ARHGAP10: variants seen among roughly 807,000 people sequenced by gnomAD.
ARHGAP10 encodes the protein Rho GTPase activating protein 10, also known as rho GTPase-activating protein 10.
ARHGAP10 carries 87 observed loss-of-function variants against 108.6 expected under a neutral mutation model. That is an observed-to-expected ratio of 0.80 (90% CI 0.67 to 0.96). The LOEUF is 0.96. Ranked by LOEUF, ARHGAP10 falls within the 40% of genes least tolerant of loss-of-function variation. The pLI is 0.00. For synonymous variants in ARHGAP10, 347 were observed against 341.1 expected, an observed-to-expected ratio of 1.02 and a Z score of -0.19; for missense variants, 939 against 954.5, an observed-to-expected ratio of 0.98 and a Z score of 0.21.
At chr4:147,804,570 C>G (rs1731707726) in intron 1 of ARHGAP10, among the ~76,000 whole-genome samples, 1 of 151,998 alleles carries the variant, frequency 6.6e-6, no homozygotes, top group African/African-American at 2.4e-5. Flanking sequence ...GTTGAGAAAT[C>G]TCCAGACTGG....
At chr4:148,044,299 C>T (rs539840077) in intron 19 of ARHGAP10, among the ~76,000 whole-genome samples, 7 of 152,206 alleles carry the variant, frequency 4.6e-5, no homozygotes, top group African/African-American at 1.2e-4. Flanking sequence ...CCCTGGTCTC[C>T]AGTTCCCCAA....
intron 18 of ARHGAP10, among the ~76,000 whole-genome samples, chr4:147,974,750 G>A (rs958776290): frequency 2.6e-5 from 4 of 152,140 alleles, no homozygotes; most frequent in Non-Finnish European, 5.9e-5. Flanking sequence ...CCCAAGACTG[G>A]GAAATTTACA....
At chr4:147,944,262 C>G (rs1239903666) in intron 14 of ARHGAP10, among the ~76,000 whole-genome samples, 2 of 152,168 alleles carry the variant, frequency 1.3e-5, no homozygotes, top group African/African-American at 4.8e-5. Flanking sequence ...GTATCTGTGG[C>G]TTGTCTGACA....
chr4:147,877,819 C>CTTTTTTTTTTTTTTTTTTTTTTTTTT (rs549355620), intron 8 of ARHGAP10, among the ~76,000 whole-genome samples: 3 of 131,498 alleles, frequency 2.3e-5, no homozygotes, highest in African/African-American at 9.4e-5. Flanking sequence ...ATTCTTCATA[C>CTTTTTTTTTTTTTTTTTTTTTTTTTT]TTTTTTTTTT....
intron 15 of ARHGAP10, among the ~76,000 whole-genome samples, chr4:147,951,010 G>T (rs1270044869): frequency 6.6e-6 from 1 of 152,116 alleles, no homozygotes; most frequent in Non-Finnish European, 1.5e-5. Flanking sequence ...TCAAAAACAT[G>T]TCGGGTGGGA....
At chr4:147,879,370 T>C in intron 9 of ARHGAP10, 32 bp downstream of exon 9, 1 of 1,584,230 alleles carries the variant, frequency 6.3e-7, no homozygotes, top group Non-Finnish European at 8.6e-7. Context: ...GAATAGATTA[T>C]AATCTGTCAG....
intron 19 of ARHGAP10, among the ~76,000 whole-genome samples, chr4:148,032,344 C>T (rs770290362): frequency 7.5e-5 from 5 of 66,792 alleles, no homozygotes; most frequent in African/African-American, 2.4e-4. Flanking sequence ...CCCCCCCCCC[C>T]CCATATTGTA....
intron 19 of ARHGAP10, among the ~76,000 whole-genome samples, chr4:148,030,252 T>G (rs1166478041): frequency 6.6e-6 from 1 of 152,028 alleles, no homozygotes; most frequent in Admixed American, 6.6e-5. Flanking sequence ...GTGGAGTGGG[T>G]TTTTTCTCCA....
intron 4 of ARHGAP10, among the ~76,000 whole-genome samples, chr4:147,851,673 T>C (rs1228759786): frequency 1.3e-5 from 2 of 152,226 alleles, no homozygotes; most frequent in Non-Finnish European, 2.9e-5. Context: ...CATTCAGTAA[T>C]AAAACACACT....
chr4:147,952,445 G>A (rs1305037274), intron 15 of ARHGAP10, among the ~76,000 whole-genome samples: 1 of 151,970 alleles, frequency 6.6e-6, no homozygotes, highest in Non-Finnish European at 1.5e-5. Flanking sequence ...TTTCATTTTA[G>A]CCATCGTAAT....
intron 5 of ARHGAP10, chr4:147,858,472 G>A (rs1220581217): frequency 6.6e-6 from 1 of 152,114 alleles, no homozygotes; most frequent in Non-Finnish European, 1.5e-5. Context: ...ATATTTAAAT[G>A]TTAGCTATTT....
chr4:147,994,244 T>G (rs1740387292), intron 18 of ARHGAP10, among the ~76,000 whole-genome samples: 1 of 152,250 alleles, frequency 6.6e-6, no homozygotes. Flanking sequence ...AAAGTGCTTA[T>G]GTATGTCTCT....
At chr4:147,741,768 AC>A (rs1728665719) in intron 1 of ARHGAP10, among the ~76,000 whole-genome samples, 1 of 22,972 alleles carries the variant, frequency 4.4e-5, no homozygotes, top group Non-Finnish European at 7.9e-5. Flanking sequence ...CGTTCTCTTT[AC>A]ACACACACAC....
intron 13 of ARHGAP10, among the ~76,000 whole-genome samples, chr4:147,920,974 G>A (rs1243173516): frequency 3.3e-5 from 5 of 152,210 alleles, no homozygotes; most frequent in Non-Finnish European, 7.4e-5. Flanking sequence ...TAAAGGAACT[G>A]GGTGAATACT....
At chr4:147,872,334 C>G (rs1241998620) in intron 7 of ARHGAP10, among the ~76,000 whole-genome samples, 1 of 152,012 alleles carries the variant, frequency 6.6e-6, no homozygotes, top group African/African-American at 2.4e-5. Flanking sequence ...TTCTTACTGT[C>G]TGGGAAAAAA....
intron 13 of ARHGAP10, among the ~76,000 whole-genome samples, chr4:147,924,559 G>GT (rs530407910): frequency 1.7e-3 from 264 of 152,308 alleles, no homozygotes; most frequent in African/African-American, 6.2e-3. Context: ...TGCTGAAGGT[G>GT]TTTTTAGAAC....
At chr4:147,929,304 G>A (rs891799926) in intron 13 of ARHGAP10, among the ~76,000 whole-genome samples, 6 of 152,014 alleles carry the variant, frequency 3.9e-5, no homozygotes, top group African/African-American at 9.7e-5. Context: ...TGTAAATACC[G>A]TATCTTAAAT....
rs772726175 is a variant in ARHGAP10, at chr4:147,960,529, C to A, written c.1451-4495C>A. On this transcript the variant is annotated intron_variant, in intron 16 of 22. Coordinates refer to ENST00000336498, the MANE Select transcript of ARHGAP10 (RefSeq NM_024605.4). ...AATAGGTTGTTTAGGCATTTCATTACCAAAAAAAGGAAGGAAAACTCTGCA... is the reference window on the plus strand; with the variant it reads ...AATAGGTTGTTTAGGCATTTCATTAACAAAAAAAGGAAGGAAAACTCTGCA... Among the ~76,000 whole-genome samples the A allele has an allele frequency of 4.3e-4, 65 of 151,850 alleles. 1 individual carries two copies. Among genetic ancestry groups the A allele is most frequent in the Admixed American group, 1.3e-4 (2 of 15,244 alleles).
At chr4:147,772,973 G>C (rs898337144) in intron 1 of ARHGAP10, among the ~76,000 whole-genome samples, 4 of 152,126 alleles carry the variant, frequency 2.6e-5, no homozygotes, top group Admixed American at 1.3e-4. Context: ...AACTCTTTTG[G>C]AATTAAGTAG....
Sources: allele counts gnomAD v4.1 joint callset (sites outside exome capture counted in the v4.1 genomes callset), GRCh38; gene constraint gnomAD v4.1.1; transcripts MANE v1.5; gene names NCBI Gene and HGNC (gene_info 2026-07-23, HGNC 2026-07-21).